The following NDUFAF2 variants were observed in gnomAD, a reference collection of about 807,000 sequenced individuals.
NDUFAF2 encodes the protein NADH:ubiquinone oxidoreductase complex assembly factor 2, also known as NADH dehydrogenase [ubiquinone] 1 alpha subcomplex assembly factor 2.
A neutral mutation model predicts 22.8 loss-of-function variants in NDUFAF2; 13 were observed. The observed-to-expected ratio is 0.57, with a 90% CI of 0.37 to 0.91. NDUFAF2 has a LOEUF of 0.91. NDUFAF2 is among the 40% of genes least tolerant of loss of function. NDUFAF2 has a pLI of 0.01. For synonymous variants in NDUFAF2, 53 were observed against 64.2 expected (o/e 0.83, Z 0.84); for missense variants, 162 against 195.2 (o/e 0.83, Z 1.01).
intron 1 of NDUFAF2, among the ~76,000 whole-genome samples, chr5:60,983,813 A>G (rs1231121945): frequency 2.6e-5 from 4 of 151,830 alleles, no homozygotes; most frequent in Non-Finnish European, 4.4e-5. Flanking sequence ...GCCTTGTAGT[A>G]TAGTTTGAAG....
At chr5:60,994,999 G>A (rs909242906) in intron 1 of NDUFAF2, among the ~76,000 whole-genome samples, 1 of 151,940 alleles carries the variant, frequency 6.6e-6, no homozygotes, top group Non-Finnish European at 1.5e-5. Context: ...GCATTCTTCA[G>A]TATGCCCATT....
chr5:61,152,710 C>T lies in NDUFAF2; in HGVS notation c.265C>T (p.Leu89=). The part of the protein sequence containing the change: ...RKTPPTMEEI[L]KNEKHREEIK... ...CATTTATATATACATGCAGGAAATA[C>T]TAAAGAATGAAAAACACAGAGAAGA... Residue 89 remains leucine, a synonymous_variant, in exon 4 of 4, where the codon CTA becomes TTA. Coordinates refer to ENST00000296597, the MANE Select transcript of NDUFAF2 (RefSeq NM_174889.5). 5 of 1,557,434 alleles carry T rather than the reference C, an allele frequency of 3.2e-6. No individual in the cohort carries two copies. Among genetic ancestry groups the T allele is most frequent in the Middle Eastern group, 2.3e-4 (1 of 4,348 alleles).
intron 1 of NDUFAF2, among the ~76,000 whole-genome samples, chr5:60,979,854 C>A (rs1207264485): frequency 1.3e-5 from 2 of 152,174 alleles, no homozygotes; most frequent in Non-Finnish European, 2.9e-5. Flanking sequence ...CACTGTAGTC[C>A]TTAGTGAGAC....
intron 1 of NDUFAF2, among the ~76,000 whole-genome samples, chr5:61,028,401 C>G (rs1347093252): frequency 6.6e-6 from 1 of 152,036 alleles, no homozygotes; most frequent in Non-Finnish European, 1.5e-5. Context: ...TATACAGATA[C>G]AAATAAGATT....
chr5:61,095,930 T>A (rs1752634185), intron 2 of NDUFAF2, among the ~76,000 whole-genome samples: 1 of 152,140 alleles, frequency 6.6e-6, no homozygotes, highest in South Asian at 2.1e-4. Flanking sequence ...GGGCTATATT[T>A]ACTCGCCCCT....
intron 2 of NDUFAF2, among the ~76,000 whole-genome samples, chr5:61,093,383 C>T (rs576595884): frequency 2.4e-4 from 36 of 152,298 alleles, no homozygotes; most frequent in African/African-American, 8.2e-4. Flanking sequence ...TTCCATATAT[C>T]GGCAGTGGAT....
chr5:61,069,641 T>G (rs1752271340), intron 1 of NDUFAF2, among the ~76,000 whole-genome samples: 1 of 152,116 alleles, frequency 6.6e-6, no homozygotes, highest in South Asian at 2.1e-4. Flanking sequence ...AGGTTTCTGC[T>G]CTAGAGGCTC....
At chr5:60,960,229 G>T (rs34279961) in intron 1 of NDUFAF2, among the ~76,000 whole-genome samples, 30,368 of 152,024 alleles carry the variant, frequency 0.2, 3,586 homozygotes, top group Non-Finnish European at 0.26. Flanking sequence ...TTTTGTAATT[G>T]CTTTATATTA....
intron 2 of NDUFAF2, among the ~76,000 whole-genome samples, chr5:61,095,329 G>A (rs1223368104): frequency 6.6e-6 from 1 of 152,186 alleles, no homozygotes; most frequent in Non-Finnish European, 1.5e-5. Flanking sequence ...TCACAGGTTG[G>A]AACTGCAGAG....
chr5:61,006,381 C>A (rs1389794718), intron 1 of NDUFAF2, among the ~76,000 whole-genome samples: 2 of 152,166 alleles, frequency 1.3e-5, no homozygotes, highest in East Asian at 3.9e-4. Flanking sequence ...AGCGTGATGC[C>A]TCCAGCTTTG....
At chr5:61,142,878 T>G (rs765545051) in intron 3 of NDUFAF2, among the ~76,000 whole-genome samples, 5 of 152,220 alleles carry the variant, frequency 3.3e-5, no homozygotes, top group Non-Finnish European at 1.5e-5. Context: ...TCTATGCACC[T>G]CCCTCTTTTT....
At chr5:61,117,698 A>G (rs1415262627) in intron 3 of NDUFAF2, among the ~76,000 whole-genome samples, 1 of 152,002 alleles carries the variant, frequency 6.6e-6, no homozygotes, top group African/African-American at 2.4e-5. Context: ...AAAGAATGTT[A>G]AAAAGCACAT....
chr5:61,073,113 T>G lies in NDUFAF2; in HGVS notation c.128-12T>G. The G allele has an allele frequency of 6.4e-7, 1 of 1,565,630 alleles. No individual in the cohort carries two copies. The highest frequency in any genetic ancestry group is 1.1e-5 in the South Asian group (1 of 90,110). On this transcript the variant is annotated splice_polypyrimidine_tract_variant and intron_variant, in intron 1 of 3. Transcript: ENST00000296597. ...TTCATTTAAAAATGTATTAATGACTTTTGTCTTATAGGACAAACTATTCGA... is the reference window on the plus strand; with the variant it reads ...TTCATTTAAAAATGTATTAATGACTGTTGTCTTATAGGACAAACTATTCGA...
chr5:61,025,680 C>G (rs1751640634), intron 1 of NDUFAF2, among the ~76,000 whole-genome samples: 1 of 151,764 alleles, frequency 6.6e-6, no homozygotes, highest in Non-Finnish European at 1.5e-5. Flanking sequence ...TCTCATTAAC[C>G]TTGAAGTTAC....
intron 1 of NDUFAF2, among the ~76,000 whole-genome samples, chr5:61,001,143 C>A (rs1380907123): frequency 1.3e-5 from 2 of 152,098 alleles, no homozygotes; most frequent in African/African-American, 2.4e-5. Context: ...AGGGAGCCAA[C>A]TTGAGTTCCC....
At chr5:61,147,219 A>G (rs1229440966) in intron 3 of NDUFAF2, among the ~76,000 whole-genome samples, 2 of 151,370 alleles carry the variant, frequency 1.3e-5, no homozygotes, top group Non-Finnish European at 1.5e-5. Flanking sequence ...CTGGAGGGCC[A>G]TTAATTGACA....
At chr5:61,074,620 C>T (rs769109333) in intron 2 of NDUFAF2, among the ~76,000 whole-genome samples, 18 of 150,940 alleles carry the variant, frequency 1.2e-4, no homozygotes, top group Non-Finnish European at 2.2e-4. Flanking sequence ...ATTAGCCAGT[C>T]GTGGTGGCAC....
intron 1 of NDUFAF2, among the ~76,000 whole-genome samples, chr5:61,017,588 T>G (rs1751528795): frequency 6.6e-6 from 1 of 152,160 alleles, no homozygotes; most frequent in Non-Finnish European, 1.5e-5. Flanking sequence ...AACTAGTTGT[T>G]AAATATAAAC....
At position 61,096,239 on chromosome 5, in the gene NDUFAF2, G is replaced by A. The variant is rs538915657; in HGVS notation, c.218-2753G>A. ...AAAAGAGTAGGTACTTAAAATGACA[G>A]AAAAATAAATCTCCCATGGGTACCT... On this transcript the variant is annotated intron_variant, in intron 2 of 3. Coordinates refer to ENST00000296597, the MANE Select transcript of NDUFAF2 (RefSeq NM_174889.5). Among the ~76,000 whole-genome samples the A allele has an allele frequency of 4.6e-5, 7 of 152,208 alleles. No individual in the cohort carries two copies. In the South Asian group the frequency reaches 1.5e-3, roughly 32 times the overall value.
Sources: allele counts gnomAD v4.1 joint callset (sites outside exome capture counted in the v4.1 genomes callset), GRCh38; gene constraint gnomAD v4.1.1; transcripts MANE v1.5; gene names NCBI Gene and HGNC (gene_info 2026-07-23, HGNC 2026-07-21).